Variants in AKR1B15 observed in about 807,000 individuals in gnomAD.
AKR1B15 encodes the protein aldo-keto reductase family 1 member B15.
Under a neutral mutation model 38.5 loss-of-function variants are expected in AKR1B15, and 49 were observed. That is an observed-to-expected ratio of 1.27 (90% CI 1.01 to 1.62). The LOEUF (loss-of-function observed/expected upper bound fraction) is 1.62. AKR1B15 is among the 40% of genes most tolerant of loss of function. AKR1B15 has a pLI of 0.00. For missense variants in AKR1B15, 411 were observed against 381.6 expected (o/e 1.08, Z -0.64); for synonymous variants, 137 against 135.5 (o/e 1.01, Z -0.08).
chr7:134,558,802 C>G (rs1794291429), intron 2 of AKR1B15, among the ~76,000 whole-genome samples: 1 of 152,200 alleles, frequency 6.6e-6, no homozygotes, highest in African/African-American at 2.4e-5. Flanking sequence ...GGTCTAGGCT[C>G]TACCTTCTTT....
chr7:134,559,330 G>C (rs1438915168), intron 2 of AKR1B15, among the ~76,000 whole-genome samples: 1 of 152,148 alleles, frequency 6.6e-6, no homozygotes, highest in African/African-American at 2.4e-5. Flanking sequence ...TGACTGGGCA[G>C]ATGTTTGGTG....
At chr7:134,569,268 C>A in intron 4 of AKR1B15, 145 bp from the exon 5 acceptor site, 1 of 902,628 alleles carries the variant, frequency 1.1e-6, no homozygotes, top group Non-Finnish European at 1.7e-6. Context: ...CGATCTTCCA[C>A]ACTGCATCGT....
chr7:134,568,386 G>A (rs368227993), intron 4 of AKR1B15, 61 bp downstream of exon 4: 102 of 1,593,392 alleles, frequency 6.4e-5, no homozygotes, highest in Middle Eastern at 3.4e-4. Context: ...TATCTGGATC[G>A]GGTGGGCAGC....
At chr7:134,551,678 C>T (rs1418941986) in intron 1 of AKR1B15, among the ~76,000 whole-genome samples, 3 of 152,140 alleles carry the variant, frequency 2.0e-5, no homozygotes, top group African/African-American at 7.2e-5. Flanking sequence ...TAGTGGCTGC[C>T]ATCCAAGAAG....
intron 1 of AKR1B15, among the ~76,000 whole-genome samples, chr7:134,554,610 G>A (rs796107122): frequency 2.9e-4 from 44 of 152,300 alleles, no homozygotes; most frequent in African/African-American, 1.0e-3. Flanking sequence ...CCTAAGCCCA[G>A]CCCAGGCCAC....
intron 3 of AKR1B15, chr7:134,565,036 ACT>A: frequency 3.0e-6 from 1 of 328,794 alleles, no homozygotes. Flanking sequence ...ACCAATCAGC[ACT>A]CTGTAAAATG....
chr7:134,573,282 C>G, intron 6 of AKR1B15: 1 of 795,114 alleles, frequency 1.3e-6, no homozygotes, highest in Non-Finnish European at 1.5e-6. Flanking sequence ...CCACCCGTCT[C>G]AGCCTCCCAA....
chr7:134,574,722 C>T (rs1441974156), intron 6 of AKR1B15, among the ~76,000 whole-genome samples: 1 of 152,202 alleles, frequency 6.6e-6, no homozygotes, highest in Non-Finnish European at 1.5e-5. Flanking sequence ...TTGGAAAATG[C>T]CCAATAAAGG....
intron 2 of AKR1B15, among the ~76,000 whole-genome samples, chr7:134,564,291 T>C (rs1794484032): frequency 6.6e-6 from 1 of 152,240 alleles, no homozygotes; most frequent in Non-Finnish European, 1.5e-5. Context: ...ATAGACTCTT[T>C]GACAGCAGTG....
At chr7:134,565,163 CTT>C (rs1794504542) in intron 3 of AKR1B15, 2 of 355,632 alleles carry the variant, frequency 5.6e-6, no homozygotes, top group East Asian at 5.2e-5. Flanking sequence ...TTCTTACCCT[CTT>C]GACGAAAAAT....
chr7:134,565,656 G>A (rs1794516427), intron 3 of AKR1B15: 2 of 1,518,902 alleles, frequency 1.3e-6, no homozygotes, highest in African/African-American at 1.4e-5. Context: ...GTTTGGAGAG[G>A]TGAATTTCAG....
chr7:134,572,949 T>G (rs1794696001), intron 6 of AKR1B15, among the ~76,000 whole-genome samples: 2 of 152,212 alleles, frequency 1.3e-5, no homozygotes. Flanking sequence ...AGCCTCACCT[T>G]TCTGAAATGC....
At chr7:134,568,078 G>A in intron 3 of AKR1B15, 80 bp from the exon 4 acceptor site, 1 of 1,552,868 alleles carries the variant, frequency 6.4e-7, no homozygotes, top group East Asian at 2.3e-5. Flanking sequence ...GGGAGTGTGA[G>A]GCCAGCCTGG....
chr7:134,564,411 G>A (rs1023498549), intron 2 of AKR1B15, among the ~76,000 whole-genome samples, 187 bp from the exon 3 acceptor site: 1 of 152,254 alleles, frequency 6.6e-6, no homozygotes, highest in Non-Finnish European at 1.5e-5. Context: ...GGGATAATAC[G>A]AGATGCTGCC....
intron 2 of AKR1B15, among the ~76,000 whole-genome samples, chr7:134,559,926 G>A (rs530662832): frequency 1.9e-4 from 29 of 152,154 alleles, no homozygotes; most frequent in African/African-American, 6.0e-4. Context: ...TGGCCACCAT[G>A]GTGTAACCTC....
In AKR1B15 at chr7:134,566,555, T is replaced by C. The variant is rs2117650666; in HGVS notation, c.151-1603T>C. ...TCTGTTAGGCTAAGTTTGAAGTTGT[T>C]CCATCACTGCCTCCCTCTGCCTTCT... is the stretch of plus-strand genomic sequence containing the variant. On this transcript the variant is annotated intron_variant, in intron 3 of 11. Coordinates refer to ENST00000457545, the MANE Select transcript of AKR1B15 (RefSeq NM_001080538.3). Among the ~76,000 whole-genome samples the C allele has an allele frequency of 2.0e-5, 3 of 152,310 alleles. 1 individual carries two copies.
intron 1 of AKR1B15, among the ~76,000 whole-genome samples, chr7:134,555,657 C>T (rs992633173): frequency 1.4e-4 from 21 of 152,062 alleles, no homozygotes; most frequent in Non-Finnish European, 2.9e-4. Flanking sequence ...CTTTTGTAGT[C>T]GGTTTATGTG....
At chr7:134,565,689 G>A in intron 3 of AKR1B15, 1 of 1,461,904 alleles carries the variant, frequency 6.8e-7, no homozygotes, top group Non-Finnish European at 9.1e-7. Context: ...GACTCGGGTT[G>A]CTTTCTTTTC....
chr7:134,568,066 C>A (rs1794580409), intron 3 of AKR1B15, 92 bp from the exon 4 acceptor site: 9 of 1,490,286 alleles, frequency 6.0e-6, no homozygotes, highest in Non-Finnish European at 7.3e-6. Flanking sequence ...TTGTTTGAAC[C>A]TGGGAGTGTG....
Sources: allele counts gnomAD v4.1 joint callset (sites outside exome capture counted in the v4.1 genomes callset), GRCh38; gene constraint gnomAD v4.1.1; transcripts MANE v1.5; gene names NCBI Gene and HGNC (gene_info 2026-07-23, HGNC 2026-07-21).